Variants in DYNC2LI1 observed in about 807,000 individuals in gnomAD.
DYNC2LI1 encodes cytoplasmic dynein 2 light intermediate chain 1.
In DYNC2LI1, 45 loss-of-function variants were observed where a neutral mutation model predicts 51.9. The observed-to-expected ratio is 0.87, with a 90% CI of 0.68 to 1.11. The LOEUF is 1.11. Ranked by LOEUF, DYNC2LI1 falls within the 50% of genes most tolerant of loss-of-function variation. DYNC2LI1 has a pLI of 0.00. For missense variants in DYNC2LI1, 490 were observed against 417.4 expected, an observed-to-expected ratio of 1.17 and a Z score of -1.51; for synonymous variants, 130 against 137.8, an observed-to-expected ratio of 0.94 and a Z score of 0.40.
chr2:43,814,483 T>C, downstream of DYNC2LI1: 1 of 1,596,022 alleles, frequency 6.3e-7, no homozygotes, highest in Non-Finnish European at 8.6e-7. Flanking sequence ...TTACCACAAG[T>C]GAAATTCAGT....
At chr2:43,795,452 C>A (rs72794897) in intron 6 of DYNC2LI1, among the ~76,000 whole-genome samples, 1 of 151,620 alleles carries the variant, frequency 6.6e-6, no homozygotes, top group African/African-American at 2.4e-5. Context: ...TGCAGTGAGC[C>A]GAGATCGCGC....
rs545306354 is a variant in DYNC2LI1 at position 43,805,969 on chromosome 2, C to T, written c.993+723C>T. Among the ~76,000 whole-genome samples, 8 of 152,126 alleles carry T rather than the reference C, an allele frequency of 5.3e-5. No homozygotes were observed. In the East Asian group the frequency reaches 1.5e-3, roughly 29 times the overall value. ...TGACCTCGGCTCACTACAACCTCCG[C>T]CTCCCGGGTTCAAGCAATTCTCTGC... is the stretch of plus-strand genomic sequence containing the variant. On this transcript the variant is annotated intron_variant, in intron 12 of 12. Transcript: ENST00000260605.
downstream of DYNC2LI1, among the ~76,000 whole-genome samples, chr2:43,812,149 T>C (rs983056685): frequency 6.6e-6 from 1 of 152,014 alleles, no homozygotes; most frequent in African/African-American, 2.4e-5. Flanking sequence ...CTCCTAGGTT[T>C]AAGCGATCCT....
intron 5 of DYNC2LI1, chr2:43,792,800 G>A (rs1369442530): frequency 1.3e-6 from 2 of 1,525,442 alleles, no homozygotes; most frequent in East Asian, 2.5e-5. Flanking sequence ...ACGTCTTCAG[G>A]GTTCTTCCGT....
Position 43,796,701 on chromosome 2 carries a change from A to G in DYNC2LI1, c.577-17A>G, listed in dbSNP as rs1298539121. ...TATTTGGTTATCTTGACTTTTTAAA[A>G]TAACATATTTCTACAGGATTTTGAG... On this transcript the variant is annotated splice_polypyrimidine_tract_variant and intron_variant, in intron 7 of 12. Transcript: ENST00000260605. 1 of 1,587,774 alleles carries G rather than the reference A, an allele frequency of 6.3e-7. No individual in the cohort carries two copies. Among genetic ancestry groups the G allele is most frequent in the Non-Finnish European group, 8.6e-7 (1 of 1,157,006 alleles).
At chr2:43,821,055 A>C in the DYNC2LI1 span, among the ~76,000 whole-genome samples, 2 of 152,190 alleles carry the variant, frequency 1.3e-5, no homozygotes, top group African/African-American at 2.4e-5. Flanking sequence ...CGTATCTTCA[A>C]TGACCATTAG....
chr2:43,822,934 A>G, the DYNC2LI1 span: 35 of 1,613,714 alleles, frequency 2.2e-5, no homozygotes, highest in East Asian at 7.6e-4. Flanking sequence ...GCAGCACGGG[A>G]ACTGGGGATG....
In DYNC2LI1 at chr2:43,792,728, G is replaced by C. The variant is rs1004202226; in HGVS notation, c.321-1729G>C. 5.2e-6 allele frequency: 8 copies of C among 1,547,726 alleles called. No homozygotes were observed. In the African/African-American group the frequency reaches 9.6e-5, roughly 19 times the overall value. On this transcript the variant is annotated intron_variant, in intron 5 of 12. Coordinates refer to ENST00000260605, the MANE Select transcript of DYNC2LI1 (RefSeq NM_016008.4). The stretch of plus-strand genomic sequence containing the variant: ...TGTCTCTATGAATTTGACCACTCCA[G>C]TACCTCATATAAATGAAATCATTCA...
At position 43,793,018 on chromosome 2, in the gene DYNC2LI1, G is replaced by T. The variant is rs185078918; in HGVS notation, c.321-1439G>T. On this transcript the variant is annotated intron_variant, in intron 5 of 12. Coordinates refer to ENST00000260605, the MANE Select transcript of DYNC2LI1 (RefSeq NM_016008.4). ...TTCAGTTCTTTTGGGTTTAGACTCA[G>T]AAGTGGAATTGCTGGATCATCTGGT... 57 of 370,054 alleles carry T rather than the reference G, an allele frequency of 1.5e-4. No homozygotes were observed. The Admixed American group carries it at 2.3e-3, about 15-fold the overall frequency. The allele number at this position is 370,054 out of a possible 1,614,324, so 22.9% of individuals were successfully genotyped here. A position where few individuals can be genotyped will look rare whatever the true frequency, so the allele number is the denominator to read the frequency against.
downstream of DYNC2LI1, chr2:43,810,400 C>G (rs920331301): frequency 1.6e-5 from 16 of 985,288 alleles, no homozygotes; most frequent in Non-Finnish European, 1.9e-5. Flanking sequence ...AGGAGATATC[C>G]TATCAAGAAG....
downstream of DYNC2LI1, chr2:43,813,324 A>G (rs750077360): frequency 1.3e-6 from 2 of 1,567,542 alleles, no homozygotes; most frequent in African/African-American, 2.7e-5. Context: ...CAAGGAAAAG[A>G]TTGACAGTGT....
chr2:43,792,518 G>A (rs1301986308), intron 5 of DYNC2LI1, among the ~76,000 whole-genome samples: 5 of 151,912 alleles, frequency 3.3e-5, no homozygotes, highest in Admixed American at 6.6e-5. Flanking sequence ...TTTTATTGTC[G>A]TAAAATATAC....
intron 9 of DYNC2LI1, 49 bp from the exon 10 acceptor site, chr2:43,801,590 G>A (rs771032820): frequency 7.0e-7 from 1 of 1,420,886 alleles, no homozygotes; most frequent in Admixed American, 1.8e-5. Context: ...GAGCGTGGCA[G>A]CAAATCTAAT....
chr2:43,816,821 C>G, the DYNC2LI1 span, among the ~76,000 whole-genome samples: 2 of 152,222 alleles, frequency 1.3e-5, no homozygotes, highest in African/African-American at 4.8e-5. Context: ...AGAACTACAA[C>G]AAAATTTAAC....
At chr2:43,783,475 A>T in intron 2 of DYNC2LI1, 45 bp from the exon 3 acceptor site, 1 of 1,380,130 alleles carries the variant, frequency 7.2e-7, no homozygotes. Context: ...CAATTTTTAC[A>T]TATGAGTGAC....
intron 2 of DYNC2LI1, among the ~76,000 whole-genome samples, chr2:43,779,218 A>G (rs529761649): frequency 1.3e-5 from 2 of 152,318 alleles, no homozygotes; most frequent in South Asian, 4.1e-4. Context: ...AGCCATCGTG[A>G]TTGTGCCACT....
At chr2:43,775,461 TTG>T (rs1204544595) in intron 1 of DYNC2LI1, among the ~76,000 whole-genome samples, 1 of 151,676 alleles carries the variant, frequency 6.6e-6, no homozygotes, top group African/African-American at 2.4e-5. Flanking sequence ...TTCAAAATGT[TTG>T]TGGTTTTAGG....
intron 3 of DYNC2LI1, among the ~76,000 whole-genome samples, chr2:43,785,749 C>T (rs1161561533): frequency 6.6e-6 from 1 of 151,674 alleles, no homozygotes; most frequent in East Asian, 1.9e-4. Flanking sequence ...TATGATTCCA[C>T]TTATATGAGA....
rs72178749 is a variant in DYNC2LI1 at position 43,782,011 on chromosome 2, ATGTGTGTG to A, written c.127-1491_127-1484del. Among the ~76,000 whole-genome samples the A allele has an allele frequency of 1.2e-4, 18 of 148,744 alleles. No individual in the cohort carries two copies. In the East Asian group the frequency reaches 1.8e-3, roughly 15 times the overall value. ...TACATTTGTGTGTTTGTTTCTGTCT[ATGTGTGTG>A]TGTGTGTGTGTGTGTGTACTTCAAG... is the stretch of plus-strand genomic sequence containing the variant. On this transcript the variant is annotated intron_variant, in intron 2 of 12. Transcript: ENST00000260605.
Sources: gnomAD v4.1 joint callset for allele counts (sites outside exome capture counted in the v4.1 genomes callset) on GRCh38, gnomAD v4.1.1 for gene constraint, MANE v1.5 for transcripts, NCBI Gene and HGNC (gene_info 2026-07-23, HGNC 2026-07-21) for gene names.